The following RGS22 variants were observed in gnomAD, a reference collection of about 807,000 sequenced individuals.
RGS22 encodes regulator of G-protein signaling 22.
Under a neutral mutation model 172.9 loss-of-function variants are expected in RGS22, and 148 were observed. That is an observed-to-expected ratio of 0.86 (90% CI 0.75 to 0.98). RGS22 has a LOEUF of 0.98. RGS22 is among the 50% of genes least tolerant of loss of function. RGS22 has a pLI of 0.00. For missense variants in RGS22, 1,347 were observed against 1,440.8 expected (o/e 0.93, Z 1.05); for synonymous variants, 458 against 480.2 (o/e 0.95, Z 0.60).
At chr8:100,085,033 A>G (rs1812063216) in intron 3 of RGS22, among the ~76,000 whole-genome samples, 1 of 152,240 alleles carries the variant, frequency 6.6e-6, no homozygotes, top group African/African-American at 2.4e-5. Flanking sequence ...CCAGAGAAAC[A>G]TAAGCAGAAT....
chr8:100,090,765 T>C (rs1167392282), intron 3 of RGS22, among the ~76,000 whole-genome samples: 4 of 152,096 alleles, frequency 2.6e-5, no homozygotes, highest in Non-Finnish European at 4.4e-5. Context: ...GGCATATTCA[T>C]GTTTGAGAAG....
At chr8:100,071,319 C>G in intron 6 of RGS22, 50 bp downstream of exon 6, 4 of 1,441,286 alleles carry the variant, frequency 2.8e-6, no homozygotes, top group Non-Finnish European at 3.8e-6. Flanking sequence ...AAAATAAAAT[C>G]AGAAGTGTTA....
chr8:100,053,446 AAGGGAGGGAGGGAGAGAGGGAGGG>A (rs1821907390), intron 9 of RGS22, among the ~76,000 whole-genome samples: 1 of 108,824 alleles, frequency 9.2e-6, no homozygotes. Flanking sequence ...GGAAGGAAGG[AAGGGAGGGAGGGAGAGAGGGAGGG>A]AGGGAGGGAG....
Position 100,004,133 on chromosome 8 carries a change from A to G in RGS22, c.2455-35T>C, listed in dbSNP as rs910671119. 6 of 1,541,846 alleles carry G rather than the reference A, an allele frequency of 3.9e-6. No homozygotes were observed. The African/African-American group carries it at 6.9e-5, about 18-fold the overall frequency. ...TAGTACTTTTCAGCAAAAATCTCTT[A>G]AACACAACAGATTGTTTACAATTTT... On this transcript the variant is annotated intron_variant, in intron 16 of 27. Coordinates refer to ENST00000360863, the MANE Select transcript of RGS22 (RefSeq NM_015668.5).
intron 21 of RGS22, among the ~76,000 whole-genome samples, chr8:99,984,736 G>C (rs1325522725): frequency 6.6e-6 from 1 of 151,360 alleles, no homozygotes; most frequent in Non-Finnish European, 1.5e-5. Context: ...CTGCCCCTTG[G>C]TAGGTGCCTA....
At chr8:99,975,370 A>G (rs552559581) in intron 23 of RGS22, among the ~76,000 whole-genome samples, 1 of 152,094 alleles carries the variant, frequency 6.6e-6, no homozygotes, top group South Asian at 2.1e-4. Flanking sequence ...TAACCTGGTG[A>G]TATTATCAAC....
chr8:100,017,153 T>C lies in RGS22; in HGVS notation c.2167-8584A>G, dbSNP rs148508746. Among the ~76,000 whole-genome samples, 36 of 152,112 alleles carry C rather than the reference T, an allele frequency of 2.4e-4. No individual in the cohort carries two copies. In the East Asian group the frequency reaches 6.2e-3, roughly 26 times the overall value. On this transcript the variant is annotated intron_variant, in intron 14 of 27. Coordinates refer to ENST00000360863, the MANE Select transcript of RGS22 (RefSeq NM_015668.5). ...GCTCCACTAATTTTTAAAAAATATTTTGTAGAGACAAGGTCTCATTATATT... is the reference window on the plus strand; with the variant it reads ...GCTCCACTAATTTTTAAAAAATATTCTGTAGAGACAAGGTCTCATTATATT...
intron 2 of RGS22, among the ~76,000 whole-genome samples, chr8:100,104,554 A>C (rs1813773953): frequency 6.6e-6 from 1 of 152,158 alleles, no homozygotes; most frequent in Non-Finnish European, 1.5e-5. Flanking sequence ...ACCCGCGCAC[A>C]CAGGCTTAGC....
At chr8:99,991,210 T>G (rs915153930) in intron 20 of RGS22, among the ~76,000 whole-genome samples, 2 of 152,148 alleles carry the variant, frequency 1.3e-5, no homozygotes, top group African/African-American at 4.8e-5. Flanking sequence ...CCTCTTCTCC[T>G]CCAAAGGATC....
chr8:99,982,993 T>A (rs746768925), intron 21 of RGS22, among the ~76,000 whole-genome samples: 1 of 152,172 alleles, frequency 6.6e-6, no homozygotes, highest in African/African-American at 2.4e-5. Context: ...GTGTCTATTA[T>A]TCCCATATTT....
intron 20 of RGS22, among the ~76,000 whole-genome samples, chr8:99,991,705 T>C (rs1813740637): frequency 6.6e-6 from 1 of 152,126 alleles, no homozygotes; most frequent in South Asian, 2.1e-4. Flanking sequence ...CAGGATATTA[T>C]CCAGGAGAAC....
At chr8:100,088,832 GGGAAA>G in intron 3 of RGS22, among the ~76,000 whole-genome samples, 1 of 152,020 alleles carries the variant, frequency 6.6e-6, no homozygotes, top group South Asian at 2.1e-4. Context: ...ATTACAGATA[GGGAAA>G]AAGTCTCAGA....
chr8:100,035,767 A>G (rs1819383982), intron 14 of RGS22, among the ~76,000 whole-genome samples: 1 of 152,248 alleles, frequency 6.6e-6, no homozygotes. Context: ...ACCATGGAAT[A>G]CTATGCAGCC....
rs1447920035 is a variant in RGS22 at position 99,999,340 on chromosome 8, A to G, written c.2871T>C (p.His957=). 2.5e-6 allele frequency: 4 copies of G among 1,613,986 alleles called. No individual in the cohort carries two copies. Among genetic ancestry groups the G allele is most frequent in the South Asian group, 1.1e-5 (1 of 91,070 alleles). The change falls in exon 19 of 28, where the codon CAT becomes CAC. Residue 957 remains histidine (H), a synonymous_variant. Coordinates refer to ENST00000360863, the MANE Select transcript of RGS22 (RefSeq NM_015668.5). ...DAPVLVEIQK[H]VQNRLENVWL... is the part of the protein sequence containing the mutation. The stretch of plus-strand genomic sequence containing the variant: ...ATACATTTTCTAGCCTATTTTGCAC[A>G]TGCTTCTGGATTTCAACTAGAACAG...
At chr8:100,053,173 T>C (rs984816271) in intron 9 of RGS22, among the ~76,000 whole-genome samples, 197 bp from the exon 10 acceptor site, 4 of 152,168 alleles carry the variant, frequency 2.6e-5, no homozygotes, top group African/African-American at 9.7e-5. Flanking sequence ...TGCAATCCCA[T>C]TGACTCATAC....
At chr8:100,072,873 G>A (rs1811087828) in intron 4 of RGS22, among the ~76,000 whole-genome samples, 1 of 152,144 alleles carries the variant, frequency 6.6e-6, no homozygotes, top group South Asian at 2.1e-4. Flanking sequence ...AAGCAAAAGA[G>A]GAGACAAACC....
chr8:100,061,525 G>A (rs909690666), intron 9 of RGS22, among the ~76,000 whole-genome samples: 1 of 152,072 alleles, frequency 6.6e-6, no homozygotes, highest in Non-Finnish European at 1.5e-5. Flanking sequence ...ACATACATGT[G>A]GCCAACAGTC....
intron 23 of RGS22, among the ~76,000 whole-genome samples, chr8:99,975,639 T>C (rs926482519): frequency 1.5e-4 from 23 of 152,088 alleles, no homozygotes; most frequent in African/African-American, 5.6e-4. Context: ...ACTTTCAACT[T>C]TTTACTATTA....
chr8:100,064,464 A>AAAAAG (rs1241034532), intron 7 of RGS22, among the ~76,000 whole-genome samples: 5 of 152,030 alleles, frequency 3.3e-5, no homozygotes, highest in Admixed American at 1.3e-4. Flanking sequence ...CTCTGTCTCA[A>AAAAAG]AAAAGAAAAG....
Sources: gnomAD v4.1 joint callset for allele counts (sites outside exome capture counted in the v4.1 genomes callset) on GRCh38, gnomAD v4.1.1 for gene constraint, MANE v1.5 for transcripts, NCBI Gene and HGNC (gene_info 2026-07-23, HGNC 2026-07-21) for gene names.